Variants in KIF19 observed in about 807,000 individuals in gnomAD.
KIF19 encodes the protein kinesin-like protein KIF19.
A neutral mutation model predicts 106.6 loss-of-function variants in KIF19; 98 were observed. The observed-to-expected ratio is 0.92, with a 90% CI of 0.78 to 1.09. KIF19 has a LOEUF of 1.09. Among genes scored for constraint, KIF19 ranks in the 50% least tolerant of loss-of-function variants. The pLI is 0.00. For synonymous variants in KIF19, 516 were observed against 584.2 expected (o/e 0.88, Z 1.68); for missense variants, 1,373 against 1,414.3 (o/e 0.97, Z 0.47).
chr17:74,354,352 C>G lies in KIF19; in HGVS notation c.2499C>G (p.Pro833=). 6.2e-7 allele frequency: 1 copy of G among 1,605,764 alleles called. No homozygotes were observed. Among genetic ancestry groups the G allele is most frequent in the South Asian group, 1.1e-5 (1 of 90,224 alleles). The change falls in exon 18 of 20, where the codon CCC becomes CCG. Residue 833 remains proline, a synonymous_variant. Transcript: ENST00000389916. ...GCCCACTGGCCTGCAAGCGGCCGCC[C>G]AGCCCCACACTACAGCATGCTGCCA... The part of the protein sequence containing the change: ...PPGPLACKRP[P]SPTLQHAASE...
At chr17:74,348,141 C>G (rs2054592509) in intron 9 of KIF19, among the ~76,000 whole-genome samples, 1 of 152,240 alleles carries the variant, frequency 6.6e-6, no homozygotes, top group South Asian at 2.1e-4. Context: ...CTCCCCCTGC[C>G]TCATCCCCTC....
intron 2 of KIF19, among the ~76,000 whole-genome samples, chr17:74,337,889 G>C (rs769904338): frequency 6.6e-6 from 1 of 152,224 alleles, no homozygotes; most frequent in Non-Finnish European, 1.5e-5. Context: ...GGGCTCCATT[G>C]TGTGCTAGAG....
Position 74,348,906 on chromosome 17 carries a change from A to C in KIF19, c.1048-278A>C, listed in dbSNP as rs1598393689. The stretch of plus-strand genomic sequence containing the variant: ...TTCAACTGGAGTGGGATGTTCATGC[A>C]GGAGCGGTGAGCCCAGAGAAAATCA... On this transcript the variant is annotated intron_variant, in intron 9 of 19. Coordinates refer to ENST00000389916, the MANE Select transcript of KIF19 (RefSeq NM_153209.4). 1.5e-5 allele frequency: 7 copies of C among 477,866 alleles called. No individual in the cohort carries two copies. The East Asian group carries it at 2.5e-4, about 17-fold the overall frequency. 29.6% of individuals were successfully genotyped at this position (477,866 alleles called of 1,614,324 possible). A position where few individuals can be genotyped will look rare whatever the true frequency, so the allele number is the denominator to read the frequency against.
chr17:74,337,870 G>A (rs1299605895), intron 2 of KIF19, among the ~76,000 whole-genome samples: 2 of 152,224 alleles, frequency 1.3e-5, no homozygotes, highest in Non-Finnish European at 2.9e-5. Flanking sequence ...ACCTGGAGGA[G>A]GGGCACAAGG....
At position 74,344,385 on chromosome 17, in the gene KIF19, G is replaced by A. The variant is rs536546226; in HGVS notation, c.582+37G>A. 1.1e-4 allele frequency: 181 copies of A among 1,602,920 alleles called. 3 individuals are homozygous for A. The South Asian group carries it at 1.7e-3, about 15-fold the overall frequency. On this transcript the variant is annotated intron_variant, in intron 6 of 19. Transcript: ENST00000389916. Reference sequence around the variant, plus strand: ...GTGGCCAGCCTGGAGCCGCTGAGAGGAAGCTCACCGCCTGAGGGGCAGGAG... The same window carrying A: ...GTGGCCAGCCTGGAGCCGCTGAGAGAAAGCTCACCGCCTGAGGGGCAGGAG...
intron 9 of KIF19, among the ~76,000 whole-genome samples, chr17:74,348,333 G>C (rs2054596991): frequency 6.6e-6 from 1 of 152,226 alleles, no homozygotes; most frequent in Non-Finnish European, 1.5e-5. Flanking sequence ...TACAGATTAG[G>C]ACAGCAAGGC....
intron 9 of KIF19, chr17:74,348,921 A>G: frequency 1.9e-6 from 1 of 514,216 alleles, no homozygotes. Context: ...CGGTGAGCCC[A>G]GAGAAAATCA....
chr17:74,354,402 C>T lies in KIF19; in HGVS notation c.2549C>T (p.Thr850Met), dbSNP rs1217230618. Residue 850 changes from threonine to methionine, a missense_variant, in exon 18 of 20, where the codon ACG (threonine) becomes ATG (methionine). Transcript: ENST00000389916. ...AGTGAGGACAACCTGTCCAGCAGCA[C>T]GGGCGAGGCCCCGTCCCGGGCAGTC... ...AASEDNLSSS[T>M]GEAPSRAVGH... is the part of the protein sequence containing the mutation. 21 of 1,610,700 alleles carry T rather than the reference C, an allele frequency of 1.3e-5. No homozygotes were observed. Among genetic ancestry groups the T allele is most frequent in the African/African-American group, 8.0e-5 (6 of 74,920 alleles).
At chr17:74,337,097 G>A (rs942136313) in intron 2 of KIF19, among the ~76,000 whole-genome samples, 2 of 152,178 alleles carry the variant, frequency 1.3e-5, no homozygotes, top group African/African-American at 4.8e-5. Flanking sequence ...GCCTCCCAAA[G>A]TGCTGGGATT....
At chr17:74,339,161 AC>A (rs1300598936) in intron 2 of KIF19, among the ~76,000 whole-genome samples, 2 of 151,852 alleles carry the variant, frequency 1.3e-5, no homozygotes, top group African/African-American at 4.8e-5. Context: ...CTACTGAGGG[AC>A]AGGGCAGGAA....
intron 2 of KIF19, among the ~76,000 whole-genome samples, chr17:74,332,210 T>G (rs7215918): frequency 0.37 from 39,496 of 106,230 alleles, 6,501 homozygotes; most frequent in Non-Finnish European, 0.42. Flanking sequence ...GTGTGTGTGT[T>G]TGTGTGTGTG....
intron 2 of KIF19, among the ~76,000 whole-genome samples, chr17:74,341,311 C>T (rs566032925): frequency 8.7e-4 from 132 of 152,248 alleles, no homozygotes; most frequent in African/African-American, 2.6e-3. Context: ...AGCAAGACTC[C>T]GTCTCAAAAA....
chr17:74,346,557 AC>A lies in KIF19; in HGVS notation c.924+35del. 1 of 1,541,108 alleles carries A rather than the reference AC, an allele frequency of 6.5e-7. No individual in the cohort carries two copies. Among genetic ancestry groups the A allele is most frequent in the Non-Finnish European group, 8.8e-7 (1 of 1,138,914 alleles). On this transcript the variant is annotated intron_variant, in intron 8 of 19. Coordinates refer to ENST00000389916, the MANE Select transcript of KIF19 (RefSeq NM_153209.4). This position sits in a 1 kb window ranked among gnomAD's most constrained non-coding sequence, Gnocchi z 4.6. ...CCACAGCTGGGCCTGGGCACTGGGC[AC>A]CAAGGGTGAGGCTGCCAGATTAAAC...
chr17:74,338,208 G>C (rs1374143379), intron 2 of KIF19, among the ~76,000 whole-genome samples: 1 of 152,262 alleles, frequency 6.6e-6, no homozygotes, highest in Non-Finnish European at 1.5e-5. Flanking sequence ...AGGAACACCG[G>C]CATTGGGATG....
In KIF19 at chr17:74,335,262, G is replaced by C. The variant is rs897024774; in HGVS notation, c.121-6614G>C. ...TACAATGCACAGAACTGCCCCCACA[G>C]CAAAGAATGATCCAGCCCAAAATGT... On this transcript the variant is annotated intron_variant, in intron 2 of 19. Coordinates refer to ENST00000389916, the MANE Select transcript of KIF19 (RefSeq NM_153209.4). 2.8e-4 allele frequency among the ~76,000 whole-genome samples: 42 copies of C among 152,228 alleles called. 1 individual carries two copies. Among genetic ancestry groups the C allele is most frequent in the Non-Finnish European group, 1.5e-5 (1 of 68,038 alleles).
In KIF19 at chr17:74,351,987, C is replaced by CA. The variant is rs780395581; in HGVS notation, c.1709dup (p.His570GlnfsTer110). ...GGTGCTCAGCCTGCTGTGCCGCGTG[C>CA]ACGAGCTCGAGGTGGAGAACACCGA... On this transcript the variant is annotated frameshift_variant, in exon 13 of 20. Coordinates refer to ENST00000389916, the MANE Select transcript of KIF19 (RefSeq NM_153209.4). LOFTEE classifies it high-confidence loss of function. The CA allele has an allele frequency of 5.8e-6, 9 of 1,538,698 alleles. No individual in the cohort carries two copies. In the South Asian group the frequency reaches 1.1e-4, roughly 18 times the overall value.
chr17:74,349,382 C>T, intron 10 of KIF19, 33 bp downstream of exon 10: 7 of 1,549,278 alleles, frequency 4.5e-6, no homozygotes, highest in Non-Finnish European at 6.1e-6. Context: ...GTGGCAGCCC[C>T]CTCCGGCCAG....
intron 2 of KIF19, 145 bp from the exon 3 acceptor site, chr17:74,341,731 C>T (rs758396116): frequency 1.3e-4 from 83 of 636,976 alleles, no homozygotes; most frequent in Middle Eastern, 2.8e-4. Context: ...CATCCTGAGG[C>T]GACGAGGGCT....
chr17:74,351,000 G>A lies in KIF19; in HGVS notation c.1587+95G>A, dbSNP rs146726226. The stretch of plus-strand genomic sequence containing the variant: ...CGGAGGGGCCAGGGTGGGGGTAGCC[G>A]TGAGACTTGGGAACTCAGGCCACAA... On this transcript the variant is annotated intron_variant, in intron 12 of 19. Coordinates refer to ENST00000389916, the MANE Select transcript of KIF19 (RefSeq NM_153209.4). 273 of 1,291,434 alleles carry A rather than the reference G, an allele frequency of 2.1e-4. No homozygotes were observed. The African/African-American group carries it at 2.3e-3, about 11-fold the overall frequency. 80.0% of individuals were successfully genotyped at this position (1,291,434 alleles called of 1,614,324 possible).
Sources: allele counts gnomAD v4.1 joint callset (sites outside exome capture counted in the v4.1 genomes callset), GRCh38; gene constraint gnomAD v4.1.1; non-coding constraint Gnocchi (gnomAD v3.1); transcripts MANE v1.5; gene names NCBI Gene and HGNC (gene_info 2026-07-23, HGNC 2026-07-21).